KIFAP3: variants seen among roughly 807,000 people sequenced by gnomAD.
KIFAP3 encodes kinesin-associated protein 3.
A neutral mutation model predicts 106.5 loss-of-function variants in KIFAP3; 68 were observed. The observed-to-expected ratio is 0.64, with a 90% confidence interval of 0.53 to 0.78. KIFAP3 has a LOEUF of 0.78. KIFAP3 is among the 30% of genes least tolerant of loss of function. The probability of loss-of-function intolerance (pLI) is 0.00; values close to 1 mark genes in which losing one functional copy is unlikely to be tolerated. For missense variants in KIFAP3, 780 were observed against 941.8 expected (o/e 0.83, Z 2.25); for synonymous variants, 320 against 311.5 (o/e 1.03, Z -0.29).
chr1:169,932,755 TA>T (rs766902721), intron 19 of KIFAP3, among the ~76,000 whole-genome samples: 175 of 151,430 alleles, frequency 1.2e-3, no homozygotes, highest in Non-Finnish European at 2.0e-3. Flanking sequence ...CCAAAGTCCT[TA>T]AACAAATCAT....
intron 17 of KIFAP3, among the ~76,000 whole-genome samples, chr1:169,970,154 TA>T (rs765798853): frequency 7.9e-5 from 12 of 152,010 alleles, no homozygotes; most frequent in Admixed American, 3.9e-4. Flanking sequence ...TCAACTGACT[TA>T]TAATTCCCTT....
chr1:170,009,035 G>T (rs564675542), intron 10 of KIFAP3, among the ~76,000 whole-genome samples: 9 of 152,036 alleles, frequency 5.9e-5, no homozygotes, highest in Non-Finnish European at 1.5e-5. Flanking sequence ...ATCAAACACC[G>T]CATGTTCTCA....
chr1:169,947,918 C>T (rs2101829084), intron 19 of KIFAP3, among the ~76,000 whole-genome samples: 2 of 150,260 alleles, frequency 1.3e-5, no homozygotes, highest in South Asian at 4.2e-4. Context: ...TTTTAACATT[C>T]ACATATAAAG....
At chr1:170,036,774 A>C (rs1669712610) in intron 5 of KIFAP3, among the ~76,000 whole-genome samples, 1 of 152,106 alleles carries the variant, frequency 6.6e-6, no homozygotes, top group Admixed American at 6.5e-5. Flanking sequence ...ATTTTATTTC[A>C]TTTTTCTCCT....
At chr1:170,070,783 C>A (rs1018417917) in intron 1 of KIFAP3, among the ~76,000 whole-genome samples, 1 of 152,116 alleles carries the variant, frequency 6.6e-6, no homozygotes, top group Non-Finnish European at 1.5e-5. Flanking sequence ...AATAACGATG[C>A]CAAAAGCATG....
chr1:170,066,759 C>T (rs1339271513), intron 1 of KIFAP3, among the ~76,000 whole-genome samples: 1 of 152,000 alleles, frequency 6.6e-6, no homozygotes, highest in African/African-American at 2.4e-5. Context: ...AGGAGGACTA[C>T]CTCCTAGGAG....
At chr1:169,955,948 C>T (rs1664992573) in intron 18 of KIFAP3, among the ~76,000 whole-genome samples, 2 of 151,992 alleles carry the variant, frequency 1.3e-5, no homozygotes, top group Admixed American at 1.3e-4. Flanking sequence ...GTAAAAAAAT[C>T]AATTTTATAT....
At chr1:170,028,438 G>A (rs897486811) in intron 8 of KIFAP3, among the ~76,000 whole-genome samples, 7 of 152,170 alleles carry the variant, frequency 4.6e-5, no homozygotes, top group African/African-American at 1.7e-4. Flanking sequence ...CCAGGTTCAA[G>A]TGATTCTCCT....
chr1:170,061,129 A>G (rs1290773482), intron 1 of KIFAP3, among the ~76,000 whole-genome samples: 1 of 152,254 alleles, frequency 6.6e-6, no homozygotes. Context: ...AAAACACCAA[A>G]AGCAATGGCA....
intron 1 of KIFAP3, among the ~76,000 whole-genome samples, chr1:170,064,708 T>A (rs1194433403): frequency 6.6e-6 from 1 of 152,214 alleles, no homozygotes; most frequent in Non-Finnish European, 1.5e-5. Context: ...ATGGCTTTAG[T>A]TTTTTCCTTA....
intron 5 of KIFAP3, 111 bp from the exon 6 acceptor site, chr1:170,035,664 G>A (rs1351052068): frequency 1.0e-5 from 6 of 577,544 alleles, no homozygotes; most frequent in Non-Finnish European, 1.5e-5. Context: ...GATAGAACTG[G>A]GACAAAAAGT....
chr1:169,995,742 A>ATTCAGGTAAGGTGAGAGGAAGG (rs1667336898), intron 10 of KIFAP3, among the ~76,000 whole-genome samples: 1 of 152,158 alleles, frequency 6.6e-6, no homozygotes, highest in Non-Finnish European at 1.5e-5. Flanking sequence ...CTGAGGTGGC[A>ATTCAGGTAAGGTGAGAGGAAGG]CATCATTCAG....
At chr1:169,965,863 G>A (rs1379489111) in intron 17 of KIFAP3, among the ~76,000 whole-genome samples, 2 of 151,902 alleles carry the variant, frequency 1.3e-5, no homozygotes, top group Non-Finnish European at 2.9e-5. Flanking sequence ...GAGCATCCAT[G>A]ACTAACTTTT....
At chr1:169,989,041 C>T (rs1473533569) in intron 11 of KIFAP3, among the ~76,000 whole-genome samples, 1 of 151,914 alleles carries the variant, frequency 6.6e-6, no homozygotes, top group Admixed American at 6.6e-5. Context: ...TACACATGTT[C>T]TGAAAACTTC....
chr1:169,968,471 C>T (rs567910124), intron 17 of KIFAP3, among the ~76,000 whole-genome samples: 1 of 151,730 alleles, frequency 6.6e-6, no homozygotes, highest in Non-Finnish European at 1.5e-5. Context: ...ATGTGGCAGC[C>T]CCCTAATTGA....
chr1:169,960,961 T>C (rs746794473), intron 18 of KIFAP3, 85 bp downstream of exon 18: 47 of 975,668 alleles, frequency 4.8e-5, no homozygotes, highest in Non-Finnish European at 6.0e-5. Context: ...AAGTGCTTAT[T>C]AAGCTTGGGA....
chr1:169,921,814 T>A, intron 19 of KIFAP3, 33 bp from the exon 20 acceptor site: 1 of 1,498,006 alleles, frequency 6.7e-7, no homozygotes, highest in Non-Finnish European at 9.3e-7. Flanking sequence ...ATAAGCTATG[T>A]TTTTCATCAC....
chr1:169,972,782 G>C (rs1345043103), intron 16 of KIFAP3, among the ~76,000 whole-genome samples, 184 bp from the exon 17 acceptor site: 1 of 151,544 alleles, frequency 6.6e-6, no homozygotes, highest in Non-Finnish European at 1.5e-5. Context: ...GAAAAACAGG[G>C]ATAGTAGGGA....
rs1665174270 is a variant in KIFAP3 at position 169,958,923 on chromosome 1, T to A, written c.2173+2123A>T. ...TTGTATTTCACATAATACTAAGATT[T>A]TTTTTTAAAAAACATGGGAGAATCA... On this transcript the variant is annotated intron_variant, in intron 18 of 19. Transcript: ENST00000361580. Among the ~76,000 whole-genome samples, 3 of 152,188 alleles carry A rather than the reference T, an allele frequency of 2.0e-5. No homozygotes were observed. The South Asian group carries it at 6.2e-4, about 31-fold the overall frequency.
Sources: gnomAD v4.1 joint callset for allele counts (sites outside exome capture counted in the v4.1 genomes callset) on GRCh38, gnomAD v4.1.1 for gene constraint, MANE v1.5 for transcripts, NCBI Gene and HGNC (gene_info 2026-07-23, HGNC 2026-07-21) for gene names.